The following SAMD4B variants were observed in gnomAD, a reference collection of about 807,000 sequenced individuals.
The protein encoded by SAMD4B is protein Smaug homolog 2.
SAMD4B carries 5 observed loss-of-function variants against 74.5 expected under a neutral mutation model. The observed-to-expected ratio is 0.07, with a 90% confidence interval of 0.04 to 0.14. The LOEUF (loss-of-function observed/expected upper bound fraction) is 0.14. Among genes scored for constraint, SAMD4B ranks in the 10% least tolerant of loss-of-function variants. The pLI is 1.00. For missense variants in SAMD4B, 608 were observed against 921.8 expected (o/e 0.66, Z 4.41); for synonymous variants, 373 against 374.9 (o/e 1.00, Z 0.06).
At chr19:39,353,127 G>A (rs1268788791) in intron 1 of SAMD4B, among the ~76,000 whole-genome samples, 6 of 152,074 alleles carry the variant, frequency 3.9e-5, no homozygotes, top group Non-Finnish European at 2.9e-5. Flanking sequence ...GCCTCTTTGG[G>A]ACTGAAAGCC....
chr19:39,386,112 C>T (rs1441149706), downstream of SAMD4B: 11 of 1,613,968 alleles, frequency 6.8e-6, no homozygotes, highest in East Asian at 2.2e-5. This position sits in a 1 kb window ranked among gnomAD's most constrained non-coding sequence, Gnocchi z 6.1. Flanking sequence ...GCTCCGGCTC[C>T]GCTGGCCACC....
At chr19:39,379,917 T>G (rs761288948) in intron 9 of SAMD4B, 49 bp from the exon 10 acceptor site, 4 of 1,459,560 alleles carry the variant, frequency 2.7e-6, no homozygotes, top group Non-Finnish European at 1.9e-6. Flanking sequence ...AAGGGAGGTC[T>G]GAAGGAAGCA....
At chr19:39,386,407 G>A (rs1324636352), downstream of SAMD4B, 1 of 1,614,018 alleles carries the variant, frequency 6.2e-7, no homozygotes, top group Admixed American at 1.7e-5. This position sits in a 1 kb window ranked among gnomAD's most constrained non-coding sequence, Gnocchi z 6.1. Context: ...TCCTCATCTG[G>A]AAGGGAGTGG....
At chr19:39,349,486 C>T (rs1463099229) in intron 1 of SAMD4B, among the ~76,000 whole-genome samples, 2 of 152,180 alleles carry the variant, frequency 1.3e-5, no homozygotes, top group African/African-American at 2.4e-5. Flanking sequence ...CTCCCTTCCC[C>T]AGCACCATTC....
At position 39,383,116 on chromosome 19, in the gene SAMD4B, C is replaced by T. The variant is rs1204190059; in HGVS notation, c.1973-92C>T. 5.9e-6 allele frequency: 6 copies of T among 1,013,992 alleles called. No individual in the cohort carries two copies. In the African/African-American group the frequency reaches 9.5e-5, roughly 16 times the overall value. 62.8% of individuals were successfully genotyped at this position (1,013,992 alleles called of 1,614,324 possible). On this transcript the variant is annotated intron_variant, in intron 12 of 13. Transcript: ENST00000610417. This position sits in a 1 kb window ranked among gnomAD's most constrained non-coding sequence, Gnocchi z 4.1. ...CCTCTCCCCCTCCATCTCTCTTGCT[C>T]CCTTCCCATACCAGCATCCTTTGTC...
chr19:39,375,573 G>T lies in SAMD4B; in HGVS notation c.668-77G>T. ...GTTATGGGGCCAAACTGCCATCCTGGCACTGACGGCAGGGGGATGGTCTCC... is the reference window on the plus strand; with the variant it reads ...GTTATGGGGCCAAACTGCCATCCTGTCACTGACGGCAGGGGGATGGTCTCC... On this transcript the variant is annotated intron_variant, in intron 4 of 13. Coordinates refer to ENST00000610417, the MANE Select transcript of SAMD4B (RefSeq NM_001384574.2). This position sits in a 1 kb window ranked among gnomAD's most constrained non-coding sequence, Gnocchi z 4.1. 6.5e-7 allele frequency: 1 copy of T among 1,545,200 alleles called. No individual in the cohort carries two copies. The highest frequency in any genetic ancestry group is 8.8e-7 in the Non-Finnish European group (1 of 1,137,568).
rs2145918539 is a variant in SAMD4B at position 39,385,393 on chromosome 19, A to AC, written c.*1868dup. 4.9e-6 allele frequency: 2 copies of AC among 406,590 alleles called. No individual in the cohort carries two copies. Among genetic ancestry groups the AC allele is most frequent in the Non-Finnish European group, 8.7e-6 (2 of 230,456 alleles). The allele number at this position is 406,590 out of a possible 1,614,324, so 25.2% of individuals were successfully genotyped here. A position where few individuals can be genotyped will look rare whatever the true frequency, so the allele number is the denominator to read the frequency against. ...CTGGCACTGGGAGGTGGTGAGGGACACCGTCTCACACACACAGGGAGGCAA... is the reference window on the plus strand; with the variant it reads ...CTGGCACTGGGAGGTGGTGAGGGACACCCGTCTCACACACACAGGGAGGCAA... On this transcript the variant is annotated 3_prime_UTR_variant, in exon 14 of 14. Coordinates refer to ENST00000610417, the MANE Select transcript of SAMD4B (RefSeq NM_001384574.2).
At chr19:39,390,195 G>GCTGCCCCACCTCTGCTCCCAGCCCCA (rs749202738), downstream of SAMD4B, 32 of 1,610,846 alleles carry the variant, frequency 2.0e-5, no homozygotes, top group East Asian at 7.1e-4. Context: ...GTGGGCCCCC[G>GCTGCCCCACCTCTGCTCCCAGCCCCA]CTGCCCCACC....
At chr19:39,363,127 G>C (rs903523448) in intron 3 of SAMD4B, among the ~76,000 whole-genome samples, 2 of 152,084 alleles carry the variant, frequency 1.3e-5, no homozygotes, top group Non-Finnish European at 2.9e-5. Context: ...GAGCAGTCTC[G>C]ATTGGTGCCT....
chr19:39,357,300 G>A (rs2076388965), intron 3 of SAMD4B, among the ~76,000 whole-genome samples: 1 of 152,172 alleles, frequency 6.6e-6, no homozygotes, highest in Admixed American at 6.5e-5. Flanking sequence ...GGACTTATGG[G>A]AGAAGGCAAT....
intron 9 of SAMD4B, 36 bp from the exon 10 acceptor site, chr19:39,379,930 A>G (rs755352211): frequency 2.0e-6 from 3 of 1,510,386 alleles, no homozygotes; most frequent in Admixed American, 3.4e-5. Flanking sequence ...AGGAAGCATC[A>G]CCCTCTCTGC....
At chr19:39,369,431 TAGTG>T (rs2077160503) in intron 3 of SAMD4B, 5 of 559,352 alleles carry the variant, frequency 8.9e-6, no homozygotes, top group Middle Eastern at 9.3e-4. Flanking sequence ...CTGGGCAACA[TAGTG>T]AGACCCCATC....
intron 3 of SAMD4B, among the ~76,000 whole-genome samples, chr19:39,365,528 T>G (rs2076911918): frequency 6.6e-6 from 1 of 151,834 alleles, no homozygotes; most frequent in African/African-American, 2.4e-5. Flanking sequence ...GCACTCCAAC[T>G]TGAACAACAG....
In SAMD4B at chr19:39,380,603, A is replaced by G. The variant is rs1438277924; in HGVS notation, c.1666A>G (p.Asn556Asp). Residue 556 changes from asparagine to aspartate, a missense_variant, in exon 11 of 14, where the codon AAC (asparagine) becomes GAC (aspartate). Asn to Asp is a conservative substitution (Grantham distance 23). Transcript: ENST00000610417. ...RQQKGWAFGS[N>D]SLPIAGSVGM... ...CTCTCATAGCTGGGCATTCGGCTCCAACTCGCTCCCCATAGCTGGCTCTGT... is the reference window on the plus strand; with the variant it reads ...CTCTCATAGCTGGGCATTCGGCTCCGACTCGCTCCCCATAGCTGGCTCTGT... 2 of 1,614,172 alleles carry G rather than the reference A, an allele frequency of 1.2e-6. No homozygotes were observed. Among genetic ancestry groups the G allele is most frequent in the African/African-American group, 2.7e-5 (2 of 75,058 alleles).
At chr19:39,359,416 A>G (rs1457687583) in intron 3 of SAMD4B, among the ~76,000 whole-genome samples, 1 of 152,190 alleles carries the variant, frequency 6.6e-6, no homozygotes, top group African/African-American at 2.4e-5. Context: ...TCATTTCCTT[A>G]TGTTTTATGA....
downstream of SAMD4B, chr19:39,388,773 C>T: frequency 3.7e-6 from 6 of 1,614,032 alleles, no homozygotes; most frequent in Non-Finnish European, 5.1e-6. Context: ...TAATCATGGC[C>T]TGAGACATCA....
intron 3 of SAMD4B, among the ~76,000 whole-genome samples, chr19:39,367,268 C>T (rs2077013280): frequency 2.6e-5 from 4 of 152,152 alleles, no homozygotes; most frequent in Admixed American, 2.0e-4. Context: ...TCCAAGACCT[C>T]ACCATTAGCA....
At chr19:39,348,235 T>C (rs2075816364) in intron 1 of SAMD4B, 1 of 152,256 alleles carries the variant, frequency 6.6e-6, no homozygotes, top group African/African-American at 2.4e-5. Context: ...GAATTGGAGA[T>C]GTAGCAATGA....
chr19:39,379,656 C>T (rs1242978008), intron 9 of SAMD4B, among the ~76,000 whole-genome samples: 6 of 152,070 alleles, frequency 3.9e-5, no homozygotes, highest in South Asian at 4.1e-4. Context: ...CTGCAACCTC[C>T]GCCTCCCAGG....
Sources: gnomAD v4.1 joint callset for allele counts (sites outside exome capture counted in the v4.1 genomes callset) on GRCh38, gnomAD v4.1.1 for gene constraint, Gnocchi (gnomAD v3.1) non-coding constraint, MANE v1.5 for transcripts, NCBI Gene and HGNC (gene_info 2026-07-23, HGNC 2026-07-21) for gene names.